BMPR1B: variants seen among roughly 807,000 people sequenced by gnomAD.
The protein encoded by BMPR1B is bone morphogenetic protein receptor type 1B, also known as bone morphogenetic protein receptor type-1B.
Under a neutral mutation model 59.1 loss-of-function variants are expected in BMPR1B, and 12 were observed. The observed-to-expected ratio is 0.20, with a 90% CI of 0.13 to 0.33. BMPR1B has a LOEUF of 0.33. BMPR1B is among the 10% of genes least tolerant of loss of function. The pLI is 1.00. For missense variants in BMPR1B, 550 were observed against 610.9 expected (o/e 0.90, Z 1.05); for synonymous variants, 237 against 207.3 (o/e 1.14, Z -1.23).
intron 3 of BMPR1B, among the ~76,000 whole-genome samples, chr4:95,057,160 A>T (rs1186970463): frequency 6.6e-6 from 1 of 152,062 alleles, no homozygotes; most frequent in Non-Finnish European, 1.5e-5. Flanking sequence ...ACATACTTAT[A>T]GTTTCTTGCT....
At chr4:95,106,387 T>C (rs1731202255) in intron 4 of BMPR1B, among the ~76,000 whole-genome samples, 1 of 152,020 alleles carries the variant, frequency 6.6e-6, no homozygotes, top group African/African-American at 2.4e-5. Flanking sequence ...GTCAGGGAAA[T>C]TGAACAGTGG....
intron 1 of BMPR1B, among the ~76,000 whole-genome samples, chr4:94,758,744 C>G (rs539307433): frequency 6.6e-6 from 1 of 151,930 alleles, no homozygotes. Context: ...GTCTTTCATT[C>G]TCTCCCTTTT....
chr4:94,773,935 T>C (rs1041176863), intron 1 of BMPR1B, among the ~76,000 whole-genome samples: 2 of 152,070 alleles, frequency 1.3e-5, no homozygotes, highest in East Asian at 1.9e-4. Flanking sequence ...TAAAATATTA[T>C]GTAGTCACAC....
intron 2 of BMPR1B, among the ~76,000 whole-genome samples, chr4:94,921,162 G>C (rs1484583933): frequency 2.0e-5 from 3 of 152,000 alleles, no homozygotes; most frequent in African/African-American, 7.2e-5. Context: ...TTGGCGTTTT[G>C]AACCTGTCTT....
At chr4:95,002,075 C>T (rs1722489097) in intron 3 of BMPR1B, among the ~76,000 whole-genome samples, 1 of 151,936 alleles carries the variant, frequency 6.6e-6, no homozygotes, top group African/African-American at 2.4e-5. Context: ...ACAAATGATC[C>T]CATCATCCAA....
At chr4:94,836,225 T>C (rs942216790) in intron 1 of BMPR1B, among the ~76,000 whole-genome samples, 10 of 151,362 alleles carry the variant, frequency 6.6e-5, no homozygotes, top group African/African-American at 2.2e-4. Context: ...AACATACATG[T>C]GCATGTGTCT....
chr4:94,769,090 T>C (rs1229306683), intron 1 of BMPR1B, among the ~76,000 whole-genome samples: 3 of 152,238 alleles, frequency 2.0e-5, no homozygotes, highest in Admixed American at 6.5e-5. Context: ...GCATGCACCC[T>C]GACTTACTCT....
chr4:94,830,028 CTT>C (rs1160705833), intron 1 of BMPR1B, among the ~76,000 whole-genome samples: 1 of 151,986 alleles, frequency 6.6e-6, no homozygotes, highest in African/African-American at 2.4e-5. Flanking sequence ...AGAAATGAGA[CTT>C]ATTATGTAAG....
chr4:94,895,708 T>G (rs1727559313), intron 2 of BMPR1B, among the ~76,000 whole-genome samples: 1 of 151,942 alleles, frequency 6.6e-6, no homozygotes, highest in South Asian at 2.1e-4. Context: ...AGCATATAAT[T>G]ATTAAACAAA....
intron 1 of BMPR1B, among the ~76,000 whole-genome samples, chr4:94,798,929 CA>C: frequency 6.6e-6 from 1 of 151,828 alleles, no homozygotes; most frequent in South Asian, 2.1e-4. Context: ...ATCCAGAGAA[CA>C]AAATAGAAGA....
chr4:94,940,550 A>G (rs1268088245), intron 2 of BMPR1B, among the ~76,000 whole-genome samples: 1 of 152,208 alleles, frequency 6.6e-6, no homozygotes, highest in African/African-American at 2.4e-5. Context: ...CATTGTGAAC[A>G]CGTAGTGTTT....
intron 1 of BMPR1B, among the ~76,000 whole-genome samples, chr4:94,796,688 C>T (rs1723208266): frequency 6.6e-6 from 1 of 151,982 alleles, no homozygotes; most frequent in South Asian, 2.1e-4. Flanking sequence ...TATGTGTGTG[C>T]TTTCAGTTCT....
chr4:94,774,028 G>C (rs1482822312), intron 1 of BMPR1B, among the ~76,000 whole-genome samples: 1 of 152,010 alleles, frequency 6.6e-6, no homozygotes, highest in East Asian at 1.9e-4. Context: ...AGGTTGATTA[G>C]TAATTTCCTT....
At chr4:95,073,521 G>A (rs1430289213) in intron 3 of BMPR1B, among the ~76,000 whole-genome samples, 2 of 152,082 alleles carry the variant, frequency 1.3e-5, no homozygotes, top group Admixed American at 1.3e-4. Flanking sequence ...TTACTGTTCA[G>A]TGGTGCAGAA....
rs1052011767 is a variant in BMPR1B at position 94,787,624 on chromosome 4, A to C, written c.-183+29556A>C. On this transcript the variant is annotated intron_variant, in intron 1 of 12. Coordinates refer to ENST00000515059, the MANE Select transcript of BMPR1B (RefSeq NM_001203.3). ...AAAAACGCTCAGGTTTGACCACAAA[A>C]ATGAAGGTTTAACCACGTCTTTGGT... is the stretch of plus-strand genomic sequence containing the variant. 2.9e-4 allele frequency among the ~76,000 whole-genome samples: 44 copies of C among 152,300 alleles called. 1 individual carries two copies. Among genetic ancestry groups the C allele is most frequent in the African/African-American group, 8.4e-4 (35 of 41,562 alleles).
At chr4:94,758,865 G>T (rs1721642608) in intron 1 of BMPR1B, among the ~76,000 whole-genome samples, 1 of 151,906 alleles carries the variant, frequency 6.6e-6, no homozygotes, top group South Asian at 2.1e-4. Flanking sequence ...GGCTCTCCCA[G>T]TGTGTCCCTC....
chr4:94,882,098 A>G (rs895130430), intron 2 of BMPR1B, among the ~76,000 whole-genome samples: 1 of 152,164 alleles, frequency 6.6e-6, no homozygotes, highest in Non-Finnish European at 1.5e-5. Context: ...CTGGCATGAA[A>G]AAGGTTCCTA....
intron 8 of BMPR1B, among the ~76,000 whole-genome samples, chr4:95,127,199 T>A (rs1732970722): frequency 6.6e-6 from 1 of 152,154 alleles, no homozygotes; most frequent in Non-Finnish European, 1.5e-5. Context: ...CATTGTATCT[T>A]ACAGGCATTT....
At chr4:94,904,211 T>C (rs900471790) in intron 2 of BMPR1B, among the ~76,000 whole-genome samples, 1 of 152,144 alleles carries the variant, frequency 6.6e-6, no homozygotes, top group African/African-American at 2.4e-5. Flanking sequence ...CATCAATGAT[T>C]TGCTGTAGAA....
Sources: allele counts gnomAD v4.1 joint callset (sites outside exome capture counted in the v4.1 genomes callset), GRCh38; gene constraint gnomAD v4.1.1; transcripts MANE v1.5; gene names NCBI Gene and HGNC (gene_info 2026-07-23, HGNC 2026-07-21).